CD247: variants seen among roughly 807,000 people sequenced by gnomAD.
CD247 encodes CD247 molecule.
Under a neutral mutation model 30.0 loss-of-function variants are expected in CD247, and 13 were observed. The observed-to-expected ratio is 0.43, with a 90% CI of 0.28 to 0.69. The LOEUF (loss-of-function observed/expected upper bound fraction) is 0.69. Among genes scored for constraint, CD247 ranks in the 30% least tolerant of loss-of-function variants. The probability of loss-of-function intolerance (pLI) is 0.16; values close to 1 mark genes in which losing one functional copy is unlikely to be tolerated. For missense variants in CD247, 193 were observed against 212.6 expected (o/e 0.91, Z 0.57); for synonymous variants, 72 against 80.0 (o/e 0.90, Z 0.53).
intron 1 of CD247, among the ~76,000 whole-genome samples, chr1:167,503,443 T>G (rs909666225): frequency 1.3e-5 from 2 of 152,212 alleles, no homozygotes; most frequent in African/African-American, 2.4e-5. Context: ...GTGAAATTAA[T>G]TTCCATTGCA....
intron 1 of CD247, among the ~76,000 whole-genome samples, chr1:167,447,744 T>A (rs1652154955): frequency 6.6e-6 from 1 of 152,166 alleles, no homozygotes. Context: ...TTGTAGGCAC[T>A]GATGGAATCA....
At chr1:167,484,543 A>G (rs9645326) in intron 1 of CD247, among the ~76,000 whole-genome samples, 25,928 of 152,158 alleles carry the variant, frequency 0.17, 2,463 homozygotes, top group Admixed American at 0.29. Context: ...TTGGGAGGCC[A>G]AGGCGGGCGG....
chr1:167,500,248 T>C (rs1389916020), intron 1 of CD247, among the ~76,000 whole-genome samples: 2 of 152,236 alleles, frequency 1.3e-5, no homozygotes, highest in African/African-American at 4.8e-5. Flanking sequence ...GATGCAGCTT[T>C]CCATTCTCCA....
At chr1:167,491,304 C>T (rs1221249555) in intron 1 of CD247, among the ~76,000 whole-genome samples, 5 of 152,228 alleles carry the variant, frequency 3.3e-5, no homozygotes, top group Non-Finnish European at 7.3e-5. Flanking sequence ...CGCAGTGGCT[C>T]ATGCCTGTAA....
intron 1 of CD247, among the ~76,000 whole-genome samples, chr1:167,460,222 C>A (rs550778259): frequency 5.9e-5 from 9 of 151,892 alleles, no homozygotes; most frequent in Non-Finnish European, 1.3e-4. Flanking sequence ...GGCAACATGG[C>A]GAAATCCCGT....
Position 167,469,231 on chromosome 1 carries a change from C to G in CD247, c.59-28464G>C, listed in dbSNP as rs183052967. On this transcript the variant is annotated intron_variant, in intron 1 of 7. Coordinates refer to ENST00000362089, the MANE Select transcript of CD247 (RefSeq NM_198053.3). ...CTCCTGACCTCAAGTGATCTGCCCC[C>G]CCTCAGCCTCCCAAAAAGTGCAGCC... Among the ~76,000 whole-genome samples the G allele has an allele frequency of 4.6e-4, 70 of 152,256 alleles. 1 individual carries two copies. In the East Asian group the frequency reaches 9.8e-3, roughly 21 times the overall value.
intron 1 of CD247, among the ~76,000 whole-genome samples, chr1:167,476,728 G>A (rs1653763645): frequency 6.6e-6 from 1 of 152,188 alleles, no homozygotes; most frequent in Non-Finnish European, 1.5e-5. Context: ...GGAGGCTGAG[G>A]TGGCAAAGCT....
intron 1 of CD247, among the ~76,000 whole-genome samples, chr1:167,459,256 G>C (rs146260787): frequency 6.6e-6 from 1 of 150,918 alleles, no homozygotes; most frequent in Admixed American, 6.6e-5. Context: ...TTCAGGTGAA[G>C]TACCTCTAAA....
intron 1 of CD247, among the ~76,000 whole-genome samples, chr1:167,467,089 T>C (rs112413378): frequency 0.027 from 4,043 of 152,164 alleles, 62 homozygotes; most frequent in African/African-American, 0.036. Context: ...CCGCCCGCCT[T>C]GGCCTCCCAA....
At chr1:167,433,103 G>A in intron 6 of CD247, 44 bp from the exon 7 acceptor site, 1 of 1,606,488 alleles carries the variant, frequency 6.2e-7, no homozygotes, top group Non-Finnish European at 8.5e-7. Context: ...AGAAAGTCAG[G>A]CAGTCAGTAG....
At chr1:167,517,415 C>T (rs1258083715) in intron 1 of CD247, among the ~76,000 whole-genome samples, 1 of 152,234 alleles carries the variant, frequency 6.6e-6, no homozygotes, top group East Asian at 1.9e-4. Context: ...GAAATTCAGC[C>T]TGCCCCACTT....
chr1:167,487,737 T>C (rs1654274491), intron 1 of CD247, among the ~76,000 whole-genome samples: 1 of 152,178 alleles, frequency 6.6e-6, no homozygotes. Context: ...CACACTACCT[T>C]GTTTTTTTCG....
intron 1 of CD247, among the ~76,000 whole-genome samples, chr1:167,515,239 A>G (rs1655552454): frequency 1.3e-5 from 2 of 152,242 alleles, no homozygotes; most frequent in Non-Finnish European, 2.9e-5. Context: ...CAATTTTAGC[A>G]AAGATTTAGT....
chr1:167,466,536 AAG>A (rs1233085365), intron 1 of CD247, among the ~76,000 whole-genome samples: 1 of 152,144 alleles, frequency 6.6e-6, no homozygotes, highest in Non-Finnish European at 1.5e-5. Context: ...CCTCAGTTTT[AAG>A]AGTCACCTGA....
intron 1 of CD247, among the ~76,000 whole-genome samples, chr1:167,509,999 G>A (rs1193575705): frequency 4.6e-5 from 7 of 152,160 alleles, no homozygotes; most frequent in African/African-American, 1.2e-4. Flanking sequence ...TCCATGATCC[G>A]ACAGAGGTTT....
rs533151119 is a variant in CD247, at chr1:167,434,928, C to T, written c.336+471G>A. On this transcript the variant is annotated intron_variant, in intron 5 of 7. Transcript: ENST00000362089. ...TGGAGCCCTCCTCCAGCCCTTCCTC[C>T]AGCCCTTCCTCCGGAGCCCTCCTCC... The T allele has an allele frequency of 4.0e-3, 1,727 of 429,526 alleles. 15 individuals carry two copies. Among genetic ancestry groups the T allele is most frequent in the Non-Finnish European group, 5.3e-3 (1,151 of 217,646 alleles). 26.6% of individuals were successfully genotyped at this position (429,526 alleles called of 1,614,324 possible). A position where few individuals can be genotyped will look rare whatever the true frequency, so the allele number is the denominator to read the frequency against.
intron 1 of CD247, among the ~76,000 whole-genome samples, chr1:167,464,088 C>G (rs547812405): frequency 6.6e-6 from 1 of 152,028 alleles, no homozygotes; most frequent in Non-Finnish European, 1.5e-5. Context: ...TGTTTGATTG[C>G]GCTAGTTTTA....
At chr1:167,457,129 C>G (rs535195573) in intron 1 of CD247, among the ~76,000 whole-genome samples, 2 of 152,352 alleles carry the variant, frequency 1.3e-5, no homozygotes, top group Non-Finnish European at 2.9e-5. Context: ...TACCAGCCTG[C>G]TTTAGCGCTA....
At chr1:167,451,946 G>A (rs192577435) in intron 1 of CD247, among the ~76,000 whole-genome samples, 25 of 152,312 alleles carry the variant, frequency 1.6e-4, no homozygotes, top group Admixed American at 5.2e-4. Context: ...AACTCGGCCG[G>A]GTGCGGTGGC....
Sources: gnomAD v4.1 joint callset for allele counts (sites outside exome capture counted in the v4.1 genomes callset) on GRCh38, gnomAD v4.1.1 for gene constraint, MANE v1.5 for transcripts, NCBI Gene and HGNC (gene_info 2026-07-23, HGNC 2026-07-21) for gene names.